Variants in RAB40C observed in about 807,000 individuals in gnomAD.
RAB40C encodes ras-related protein Rab-40C.
A neutral mutation model predicts 28.1 loss-of-function variants in RAB40C; 8 were observed. That is an observed-to-expected ratio of 0.28 (90% CI 0.17 to 0.51). RAB40C has a LOEUF of 0.51. Ranked by LOEUF, RAB40C falls within the 20% of genes least tolerant of loss-of-function variation. RAB40C has a pLI of 0.97. For synonymous variants in RAB40C, 201 were observed against 171.7 expected (o/e 1.17, Z -1.34); for missense variants, 288 against 405.9 (o/e 0.71, Z 2.50).
intron 3 of RAB40C, chr16:625,171 C>T (rs1477587462): frequency 9.4e-6 from 13 of 1,388,998 alleles, no homozygotes; most frequent in Non-Finnish European, 1.2e-5. Context: ...GCTGATGGCT[C>T]CAGGGGAGGG....
chr16:615,710 C>A (rs1249149095), intron 1 of RAB40C, among the ~76,000 whole-genome samples: 1 of 152,180 alleles, frequency 6.6e-6, no homozygotes, highest in Non-Finnish European at 1.5e-5. Flanking sequence ...ACCTGTAATC[C>A]CAGCACTTTG....
intron 1 of RAB40C, among the ~76,000 whole-genome samples, chr16:607,542 G>A (rs1350769422): frequency 4.0e-5 from 6 of 150,202 alleles, no homozygotes; most frequent in African/African-American, 9.8e-5. Flanking sequence ...GGTGGCTCAC[G>A]CCTGTAATCG....
At position 625,524 on chromosome 16, in the gene RAB40C, G is replaced by C. The variant is rs567184263; in HGVS notation, c.342+15G>C. On this transcript the variant is annotated intron_variant, in intron 4 of 5. Transcript: ENST00000248139. The stretch of plus-strand genomic sequence containing the variant: ...AGATCGATGAGGTAGGCCTGGGTCC[G>C]GGGAGCCCTCCCGGGGAAGGCAGGC... 6.2e-7 allele frequency: 1 copy of C among 1,611,654 alleles called. No homozygotes were observed. The highest frequency in any genetic ancestry group is 8.5e-7 in the Non-Finnish European group (1 of 1,179,030).
At chr16:606,119 C>G (rs953909534) in intron 1 of RAB40C, among the ~76,000 whole-genome samples, 2 of 152,078 alleles carry the variant, frequency 1.3e-5, no homozygotes, top group African/African-American at 4.8e-5. Flanking sequence ...CCTCTCGGTC[C>G]TCAGTCCAGT....
At chr16:603,012 G>C (rs1487254848) in intron 1 of RAB40C, among the ~76,000 whole-genome samples, 1 of 152,030 alleles carries the variant, frequency 6.6e-6, no homozygotes, top group Non-Finnish European at 1.5e-5. Context: ...GGGTCTCACT[G>C]TGTTGCCCAG....
chr16:613,053 TGGCCTGTAGCATCAAGAGCAAGGGACAGC>T (rs2036514170), intron 1 of RAB40C, among the ~76,000 whole-genome samples: 1 of 116,754 alleles, frequency 8.6e-6, no homozygotes, highest in South Asian at 3.7e-4. Context: ...ACAGCCGCCC[TGGCCTGTAGCATCAAGAGCAAGGGACAGC>T]CGCCCTGGCC....
At chr16:601,877 C>T (rs2036259707) in intron 1 of RAB40C, among the ~76,000 whole-genome samples, 1 of 147,216 alleles carries the variant, frequency 6.8e-6, no homozygotes, top group East Asian at 2.0e-4. Flanking sequence ...CCTGTAATCC[C>T]AGCACTTTGG....
At chr16:599,248 G>A (rs1187833255) in intron 1 of RAB40C, among the ~76,000 whole-genome samples, 1 of 152,262 alleles carries the variant, frequency 6.6e-6, no homozygotes, top group African/African-American at 2.4e-5. Flanking sequence ...CTCTGCCTGT[G>A]CCACCAGCTT....
At chr16:623,537 C>T (rs572633540) in intron 3 of RAB40C, among the ~76,000 whole-genome samples, 25 of 151,956 alleles carry the variant, frequency 1.6e-4, no homozygotes, top group African/African-American at 5.1e-4. Flanking sequence ...GCCTGTAGTC[C>T]CAGCTACTCA....
intron 5 of RAB40C, 63 bp downstream of exon 5, chr16:626,184 AGGCTGAGGGG>A: frequency 1.3e-6 from 2 of 1,495,834 alleles, no homozygotes; most frequent in Non-Finnish European, 1.9e-6. Context: ...GATCACATGG[AGGCTGAGGGG>A]GGCCAGGGGC....
intron 1 of RAB40C, among the ~76,000 whole-genome samples, chr16:594,473 G>A: frequency 6.6e-6 from 1 of 152,228 alleles, no homozygotes; most frequent in East Asian, 1.9e-4. Flanking sequence ...AGGGCACCCT[G>A]TGTGGGTGTC....
chr16:602,016 C>T (rs1299139848), intron 1 of RAB40C, among the ~76,000 whole-genome samples: 1 of 151,926 alleles, frequency 6.6e-6, no homozygotes, highest in African/African-American at 2.4e-5. Flanking sequence ...ATCCCAGCTA[C>T]TCAGGAGGCT....
At chr16:611,438 C>T (rs1344127926) in intron 1 of RAB40C, among the ~76,000 whole-genome samples, 1 of 152,202 alleles carries the variant, frequency 6.6e-6, no homozygotes, top group Non-Finnish European at 1.5e-5. Flanking sequence ...AGGTCAGCCT[C>T]ATGGGGGCTT....
intron 1 of RAB40C, among the ~76,000 whole-genome samples, chr16:609,146 G>T (rs757996984): frequency 6.6e-6 from 1 of 152,182 alleles, no homozygotes; most frequent in Non-Finnish European, 1.5e-5. Flanking sequence ...GGACTGATAG[G>T]TGAGAGAGGT....
chr16:591,641 G>A (rs2036001587), intron 1 of RAB40C, among the ~76,000 whole-genome samples: 1 of 151,106 alleles, frequency 6.6e-6, no homozygotes, highest in Admixed American at 6.6e-5. Flanking sequence ...CGCCAGGCTG[G>A]AGTGCAGTGG....
intron 3 of RAB40C, among the ~76,000 whole-genome samples, chr16:618,734 G>C (rs370219696): frequency 7.9e-6 from 1 of 126,126 alleles, no homozygotes; most frequent in Non-Finnish European, 1.7e-5. Context: ...GTGCAGGCAT[G>C]TGCACAGGTC....
intron 3 of RAB40C, chr16:624,494 A>G: frequency 1.0e-6 from 1 of 985,442 alleles, no homozygotes; most frequent in Non-Finnish European, 1.2e-6. Context: ...AGTAATGTCA[A>G]CCTTGTTCTA....
chr16:598,714 C>G (rs1440999512), intron 1 of RAB40C, among the ~76,000 whole-genome samples: 1 of 152,084 alleles, frequency 6.6e-6, no homozygotes, highest in African/African-American at 2.4e-5. Context: ...ACGTTCCAGC[C>G]TGGGTGACAG....
At chr16:602,214 G>T (rs138456803) in intron 1 of RAB40C, among the ~76,000 whole-genome samples, 2 of 150,600 alleles carry the variant, frequency 1.3e-5, no homozygotes, top group African/African-American at 2.4e-5. Context: ...ATTGTGGAAT[G>T]AAATATATGA....
Sources: allele counts gnomAD v4.1 joint callset (sites outside exome capture counted in the v4.1 genomes callset), GRCh38; gene constraint gnomAD v4.1.1; transcripts MANE v1.5; gene names NCBI Gene and HGNC (gene_info 2026-07-23, HGNC 2026-07-21).